ABCC6: variants seen among roughly 807,000 people sequenced by gnomAD.
The protein encoded by ABCC6 is ATP-binding cassette sub-family C member 6.
A neutral mutation model predicts 169.5 loss-of-function variants in ABCC6; 126 were observed. The ratio of observed to expected loss-of-function variants is 0.74; its 90% CI spans 0.64 to 0.86. ABCC6 has a LOEUF of 0.86. Ranked by LOEUF, ABCC6 falls within the 40% of genes least tolerant of loss-of-function variation. The pLI is 0.00. For missense variants in ABCC6, 1,733 were observed against 1,927.2 expected (o/e 0.90, Z 1.89); for synonymous variants, 752 against 814.7 (o/e 0.92, Z 1.31).
At chr16:16,211,651 G>T (rs541637551) in intron 6 of ABCC6, among the ~76,000 whole-genome samples, 2 of 152,274 alleles carry the variant, frequency 1.3e-5, no homozygotes, top group South Asian at 4.1e-4. Context: ...ATGCCGTGTG[G>T]TTAGGAGAGA....
At chr16:16,208,905 C>T in intron 6 of ABCC6, 46 bp from the exon 7 acceptor site, 1 of 1,613,280 alleles carries the variant, frequency 6.2e-7, no homozygotes, top group Non-Finnish European at 8.5e-7. Context: ...CCATTCACCC[C>T]TGCAGGATCC....
At chr16:16,203,837 G>T (rs1304377001) in intron 7 of ABCC6, among the ~76,000 whole-genome samples, 1 of 152,090 alleles carries the variant, frequency 6.6e-6, no homozygotes, top group Admixed American at 6.5e-5. Flanking sequence ...CCTCTTAGAT[G>T]GCCATGGGAA....
At position 16,154,620 on chromosome 16, in the gene ABCC6, G is replaced by A. The variant is rs56688069; in HGVS notation, c.4208+8C>T. ...CTGCAGGTCCCAGCCATGGTGGGAC[G>A]ACCATACCTCAGGTCCTCGCCTCGG... On this transcript the variant is annotated splice_region_variant and intron_variant, in intron 29 of 30. Transcript: ENST00000205557. The A allele has an allele frequency of 2.4e-4, 385 of 1,611,636 alleles. 5 individuals are homozygous for A. The highest frequency in any genetic ancestry group is 2.2e-3 in the African/African-American group (167 of 74,966).
At chr16:16,179,779 T>G (rs998056977) in intron 17 of ABCC6, among the ~76,000 whole-genome samples, 1 of 152,104 alleles carries the variant, frequency 6.6e-6, no homozygotes, top group African/African-American at 2.4e-5. Context: ...TTAGTAGAGA[T>G]GGGGTTTCAC....
chr16:16,208,280 G>A (rs971610420), intron 7 of ABCC6, among the ~76,000 whole-genome samples: 3 of 152,224 alleles, frequency 2.0e-5, no homozygotes, highest in African/African-American at 7.2e-5. Flanking sequence ...AAGGCAAGGT[G>A]GGGAGGCGGC....
chr16:16,194,890 G>A (rs1023165627), intron 10 of ABCC6, among the ~76,000 whole-genome samples: 3 of 151,926 alleles, frequency 2.0e-5, no homozygotes, highest in African/African-American at 7.3e-5. Flanking sequence ...ACGTTGCCCA[G>A]GCTGGTCTCG....
At position 16,165,764 on chromosome 16, in the gene ABCC6, A is replaced by C. The variant is rs757383677; in HGVS notation, c.3165T>G (p.Val1055=). The C allele has an allele frequency of 4.3e-6, 7 of 1,613,792 alleles. No individual in the cohort carries two copies. The highest frequency in any genetic ancestry group is 5.9e-6 in the Non-Finnish European group (7 of 1,180,032). ...LNRFSKETDT[V]DVDIPDKLRS... is the part of the protein sequence containing the mutation. ...GGAGTTTGTCTGGAATGTCCACGTC[A>C]ACCGTGTCTGTCTCCTTGGAGAAGC... Residue 1055 remains valine, a synonymous_variant, in exon 23 of 31, where the codon GTT becomes GTG. Coordinates refer to ENST00000205557, the MANE Select transcript of ABCC6 (RefSeq NM_001171.6).
chr16:16,174,760 A>ACACCCCC (rs1555511583), intron 20 of ABCC6, among the ~76,000 whole-genome samples: 1 of 94,632 alleles, frequency 1.1e-5, no homozygotes, highest in Non-Finnish European at 2.2e-5. Flanking sequence ...CTGTCTCAAA[A>ACACCCCC]CCCCCCCCCG....
intron 21 of ABCC6, among the ~76,000 whole-genome samples, chr16:16,172,005 G>A (rs567877768): frequency 1.2e-3 from 155 of 133,726 alleles, no homozygotes; most frequent in African/African-American, 2.4e-3. Flanking sequence ...TGGATAAATG[G>A]GAGGGTGGGA....
chr16:16,162,160 T>C (rs1010102180), intron 24 of ABCC6, among the ~76,000 whole-genome samples: 2 of 152,160 alleles, frequency 1.3e-5, no homozygotes, highest in Non-Finnish European at 2.9e-5. Context: ...AACCTTCCTT[T>C]CTTTATAAAT....
At chr16:16,193,200 G>A (rs1435099430) in intron 10 of ABCC6, among the ~76,000 whole-genome samples, 2 of 152,076 alleles carry the variant, frequency 1.3e-5, no homozygotes, top group Admixed American at 6.5e-5. Flanking sequence ...GTGACCTCCC[G>A]TCATCCTCAC....
intron 4 of ABCC6, among the ~76,000 whole-genome samples, chr16:16,215,473 G>A (rs865810531): frequency 2.4e-5 from 3 of 127,034 alleles, no homozygotes; most frequent in African/African-American, 6.0e-5. Context: ...GTGTGTGTGT[G>A]TATACTTTTT....
intron 10 of ABCC6, among the ~76,000 whole-genome samples, chr16:16,196,995 A>G (rs1338887781): frequency 6.6e-6 from 1 of 152,174 alleles, no homozygotes; most frequent in African/African-American, 2.4e-5. Context: ...CCTGGCCCAG[A>G]GTCTGATTTT....
chr16:16,205,798 T>G (rs1176197532), intron 7 of ABCC6, among the ~76,000 whole-genome samples: 1 of 151,962 alleles, frequency 6.6e-6, no homozygotes, highest in African/African-American at 2.4e-5. Flanking sequence ...TAGTATAGAG[T>G]CCAGCTCCTG....
chr16:16,192,865 T>G lies in ABCC6; in HGVS notation c.1396A>C (p.Asn466His). The G allele has an allele frequency of 6.2e-7, 1 of 1,614,002 alleles. No homozygotes were observed. Among genetic ancestry groups the G allele is most frequent in the East Asian group, 2.2e-5 (1 of 44,850 alleles). ...IAVFLSLLPLNFFISKKRNHH... is the reference protein window; with the variant it reads ...IAVFLSLLPLHFFISKKRNHH... ...TTCCTTTTCTTGGAGATGAAGAAAT[T>G]CAGAGGGAGGAGGCTCAGGAAGACA... The change falls in exon 11 of 31, where the codon AAT (asparagine) becomes CAT (histidine). Residue 466 changes from asparagine (N) to histidine (H), a missense_variant. Physicochemically the swap from Asn to His is moderately conservative, Grantham distance 68 (BLOSUM62 1). Transcript: ENST00000205557.
intron 19 of ABCC6, among the ~76,000 whole-genome samples, 187 bp from the exon 20 acceptor site, chr16:16,176,173 C>G (rs1322553194): frequency 1.3e-5 from 2 of 152,188 alleles, no homozygotes; most frequent in East Asian, 3.8e-4. Context: ...CATTCACTCA[C>G]TCATTCATTT....
chr16:16,184,198 CAAAAAAAAAAAA>C (rs56071235), intron 15 of ABCC6: 38 of 71,938 alleles, frequency 5.3e-4, no homozygotes, highest in African/African-American at 1.1e-3. Flanking sequence ...GACTCCGTTT[CAAAAAAAAAAAA>C]AAAAAAAAAA....
Position 16,168,143 on chromosome 16 carries a change from A to G in ABCC6, c.2995+1503T>C, listed in dbSNP as rs1216940992. Among the ~76,000 whole-genome samples, 3 of 42,274 alleles carry G rather than the reference A, an allele frequency of 7.1e-5. No homozygotes were observed. In the Admixed American group the frequency reaches 9.2e-4, roughly 13 times the overall value. The allele number at this position is 42,274 out of a possible 152,430, so 27.7% of individuals were successfully genotyped here. A position where few individuals can be genotyped will look rare whatever the true frequency, so the allele number is the denominator to read the frequency against. ...TCACAGCATTTTGGTGATGTGGCCA[A>G]TGTCACCCAGTGAATGAGGACGAAT... On this transcript the variant is annotated intron_variant, in intron 22 of 30. Transcript: ENST00000205557.
At chr16:16,215,499 A>G (rs1380102882) in intron 4 of ABCC6, among the ~76,000 whole-genome samples, 3 of 125,676 alleles carry the variant, frequency 2.4e-5, no homozygotes, top group South Asian at 2.4e-4. Flanking sequence ...TTTGAGACGG[A>G]GTCTTGCTTT....
Sources: allele counts gnomAD v4.1 joint callset (sites outside exome capture counted in the v4.1 genomes callset), GRCh38; gene constraint gnomAD v4.1.1; transcripts MANE v1.5; gene names NCBI Gene and HGNC (gene_info 2026-07-23, HGNC 2026-07-21).